ACOT12: variants seen among roughly 807,000 people sequenced by gnomAD.
The protein encoded by ACOT12 is acyl-CoA thioesterase 12.
ACOT12 carries 51 observed loss-of-function variants against 67.7 expected under a neutral mutation model. That is an observed-to-expected ratio of 0.75 (90% CI 0.60 to 0.95). The LOEUF (loss-of-function observed/expected upper bound fraction) is 0.95. Ranked by LOEUF, ACOT12 falls within the 40% of genes least tolerant of loss-of-function variation. ACOT12 has a pLI of 0.00. For missense variants in ACOT12, 734 were observed against 708.1 expected, an observed-to-expected ratio of 1.04 and a Z score of -0.41; for synonymous variants, 251 against 244.6, an observed-to-expected ratio of 1.03 and a Z score of -0.24.
intron 5 of ACOT12, among the ~76,000 whole-genome samples, chr5:81,355,469 A>G (rs933637485): frequency 1.3e-5 from 2 of 152,232 alleles, no homozygotes; most frequent in Non-Finnish European, 2.9e-5. Flanking sequence ...ACAGAAAGAC[A>G]AATATCACAT....
downstream of ACOT12, among the ~76,000 whole-genome samples, chr5:81,327,509 C>T (rs1758703450): frequency 6.6e-6 from 1 of 152,202 alleles, no homozygotes; most frequent in Non-Finnish European, 1.5e-5. Context: ...GGCACGATCT[C>T]TGCAAACTGC....
chr5:81,308,638 T>C, the ACOT12 span: 1 of 1,613,954 alleles, frequency 6.2e-7, no homozygotes, highest in Non-Finnish European at 8.5e-7. Flanking sequence ...ACATGGGCAC[T>C]GGGATATGTT....
the ACOT12 span, among the ~76,000 whole-genome samples, chr5:81,324,382 T>TG: frequency 6.6e-6 from 1 of 152,024 alleles, no homozygotes; most frequent in African/African-American, 2.4e-5. Context: ...AGGGAATTTG[T>TG]TGGGGGAAAG....
rs377639300 is a variant in ACOT12 at position 81,335,827 on chromosome 5, A to G, written c.1203T>C (p.His401=). 11 of 1,614,048 alleles carry G rather than the reference A, an allele frequency of 6.8e-6. No homozygotes were observed. Among genetic ancestry groups the G allele is most frequent in the Admixed American group, 3.3e-5 (2 of 60,008 alleles). Residue 401 remains histidine, a synonymous_variant, in exon 12 of 15, where the codon CAT becomes CAC. Transcript: ENST00000307624. ...WVEKHVGSPA[H]LAYRLLSDFT... ...AGTCAGACAAGAGACGATAAGCCAAATGTGCTGGACTTCCCACGTGCTTTT... is the reference window on the plus strand; with the variant it reads ...AGTCAGACAAGAGACGATAAGCCAAGTGTGCTGGACTTCCCACGTGCTTTT...
intron 2 of ACOT12, among the ~76,000 whole-genome samples, chr5:81,379,914 A>T (rs1760530122): frequency 6.6e-6 from 1 of 152,164 alleles, no homozygotes; most frequent in African/African-American, 2.4e-5. Flanking sequence ...TATTAAAGAC[A>T]GTCTACAAGA....
Position 81,394,108 on chromosome 5 carries a change from G to T in ACOT12, c.7C>A (p.Arg3=). Residue 3 remains arginine (R), a synonymous_variant, in exon 1 of 15, where the codon CGG becomes AGG. Transcript: ENST00000307624. ME[R]PAPGEVVMSQ... is the part of the protein sequence containing the mutation. ...ATGACCACCTCGCCGGGCGCCGGCC[G>T]CTCCATGGCCAGGGCGAGAGCGCTA... is the stretch of plus-strand genomic sequence containing the variant. 2 of 1,450,078 alleles carry T rather than the reference G, an allele frequency of 1.4e-6. No individual in the cohort carries two copies. The highest frequency in any genetic ancestry group is 1.8e-6 in the Non-Finnish European group (2 of 1,105,648). 89.8% of individuals were successfully genotyped at this position (1,450,078 alleles called of 1,614,324 possible).
chr5:81,325,976 A>G (rs13160378), downstream of ACOT12, among the ~76,000 whole-genome samples: 12,651 of 151,752 alleles, frequency 0.083, 641 homozygotes, highest in Admixed American at 0.12. Context: ...TGCCTGGTTG[A>G]TTTTTTCATT....
chr5:81,353,252 G>A (rs1759607087), intron 5 of ACOT12, among the ~76,000 whole-genome samples: 2 of 152,168 alleles, frequency 1.3e-5, no homozygotes, highest in Admixed American at 6.5e-5. Context: ...AGATGACTTT[G>A]GTGCAGAAGT....
chr5:81,323,910 G>GTA, the ACOT12 span, among the ~76,000 whole-genome samples: 1 of 145,516 alleles, frequency 6.9e-6, no homozygotes, highest in Non-Finnish European at 1.5e-5. Context: ...ATATATACAC[G>GTA]TATATATACG....
At chr5:81,363,274 T>C (rs1759974298) in intron 4 of ACOT12, among the ~76,000 whole-genome samples, 1 of 152,138 alleles carries the variant, frequency 6.6e-6, no homozygotes, top group African/African-American at 2.4e-5. Flanking sequence ...CAGGCCAAAG[T>C]ATCACTTCGG....
At chr5:81,325,218 T>C (rs562161219), downstream of ACOT12, among the ~76,000 whole-genome samples, 29 of 152,314 alleles carry the variant, frequency 1.9e-4, no homozygotes, top group African/African-American at 6.5e-4. Flanking sequence ...ATGGTTTATA[T>C]TTTCTCAATG....
At chr5:81,345,708 T>C (rs1231406565) in intron 7 of ACOT12, among the ~76,000 whole-genome samples, 177 bp downstream of exon 7, 2 of 151,996 alleles carry the variant, frequency 1.3e-5, no homozygotes, top group Non-Finnish European at 2.9e-5. Flanking sequence ...AATTTACTAA[T>C]TGTGAAAAGG....
At chr5:81,331,408 A>ATG (rs1758823243) in intron 13 of ACOT12, among the ~76,000 whole-genome samples, 1 of 152,224 alleles carries the variant, frequency 6.6e-6, no homozygotes, top group Non-Finnish European at 1.5e-5. Context: ...ATGGTGGCGC[A>ATG]TGCCTGTAAT....
At chr5:81,374,012 TG>T (rs1760335373) in intron 2 of ACOT12, among the ~76,000 whole-genome samples, 1 of 152,166 alleles carries the variant, frequency 6.6e-6, no homozygotes, top group South Asian at 2.1e-4. Context: ...CCTCCTGAAG[TG>T]GGTCCCAGAC....
At chr5:81,324,511 T>C in the ACOT12 span, among the ~76,000 whole-genome samples, 4 of 152,176 alleles carry the variant, frequency 2.6e-5, no homozygotes, top group Non-Finnish European at 5.9e-5. Flanking sequence ...AAATTAAGCC[T>C]AGAGACATAG....
chr5:81,346,038 C>A (rs758173770), intron 6 of ACOT12, 34 bp from the exon 7 acceptor site: 1 of 1,605,940 alleles, frequency 6.2e-7, no homozygotes, highest in Non-Finnish European at 8.5e-7. Flanking sequence ...GAGAAGAAAG[C>A]GATCACACAT....
At chr5:81,388,706 T>C (rs897214555) in intron 1 of ACOT12, among the ~76,000 whole-genome samples, 2 of 152,178 alleles carry the variant, frequency 1.3e-5, no homozygotes, top group African/African-American at 2.4e-5. Flanking sequence ...ATTAAATGGA[T>C]ATTGATATGG....
the ACOT12 span, chr5:81,311,363 T>C: frequency 7.4e-6 from 10 of 1,357,804 alleles, no homozygotes; most frequent in East Asian, 2.3e-5. Flanking sequence ...AATAACTCAA[T>C]TGGGATACTA....
chr5:81,331,273 C>G (rs1035487539), intron 13 of ACOT12, among the ~76,000 whole-genome samples: 2 of 152,228 alleles, frequency 1.3e-5, no homozygotes, highest in Non-Finnish European at 2.9e-5. Flanking sequence ...TGCAGTGGCT[C>G]ACGCCTGTAA....
Sources: allele counts gnomAD v4.1 joint callset (sites outside exome capture counted in the v4.1 genomes callset), GRCh38; gene constraint gnomAD v4.1.1; transcripts MANE v1.5; gene names NCBI Gene and HGNC (gene_info 2026-07-23, HGNC 2026-07-21).